CPNE8: variants seen among roughly 807,000 people sequenced by gnomAD.
The protein encoded by CPNE8 is copine-8.
In CPNE8, 45 loss-of-function variants were observed where a neutral mutation model predicts 81.5. The observed-to-expected ratio is 0.55, with a 90% CI of 0.44 to 0.71. The LOEUF (loss-of-function observed/expected upper bound fraction) is 0.71, where lower values mean the gene tolerates loss of function less well. CPNE8 is among the 30% of genes least tolerant of loss of function. The pLI is 0.00. For synonymous variants in CPNE8, 252 were observed against 226.3 expected (o/e 1.11, Z -1.02); for missense variants, 594 against 672.1 (o/e 0.88, Z 1.28).
chr12:38,690,704 A>T (rs1939655147), intron 15 of CPNE8, among the ~76,000 whole-genome samples: 1 of 152,184 alleles, frequency 6.6e-6, no homozygotes, highest in Admixed American at 6.5e-5. Flanking sequence ...AAAGGAAAAA[A>T]ATACACACTA....
intron 1 of CPNE8, among the ~76,000 whole-genome samples, chr12:38,899,734 T>A (rs75146487): frequency 0.015 from 2,263 of 152,296 alleles, 55 homozygotes; most frequent in African/African-American, 0.052. Context: ...ACTTTTATTA[T>A]AAACTCCATA....
chr12:38,878,935 T>C lies in CPNE8; in HGVS notation c.99-4424A>G, dbSNP rs188644293. On this transcript the variant is annotated intron_variant, in intron 1 of 19. Coordinates refer to ENST00000331366, the MANE Select transcript of CPNE8 (RefSeq NM_153634.3). ...TGGTGTATAAAATCACAGTTTATTA[T>C]AGGGAGAAAGAACAGTAATCTAAAA... Among the ~76,000 whole-genome samples, 27 of 152,300 alleles carry C rather than the reference T, an allele frequency of 1.8e-4. No homozygotes were observed. The East Asian group carries it at 3.7e-3, about 21-fold the overall frequency.
At chr12:38,744,187 G>C (rs1941173859) in intron 10 of CPNE8, among the ~76,000 whole-genome samples, 1 of 152,134 alleles carries the variant, frequency 6.6e-6, no homozygotes, top group South Asian at 2.1e-4. Flanking sequence ...GGAAACATCT[G>C]TGTCTGTTGG....
At chr12:38,844,754 G>A (rs1296767416) in intron 4 of CPNE8, among the ~76,000 whole-genome samples, 1 of 151,944 alleles carries the variant, frequency 6.6e-6, no homozygotes, top group African/African-American at 2.4e-5. Flanking sequence ...ATTTTTTTAA[G>A]TTTATAAAAG....
rs777194632 is a variant in CPNE8, at chr12:38,839,952, A to G, written c.294T>C (p.Tyr98=). The G allele has an allele frequency of 6.3e-7, 1 of 1,581,660 alleles. No homozygotes were observed. Residue 98 remains tyrosine (Y), a synonymous_variant, in exon 5 of 20, where the codon TAT becomes TAC. Transcript: ENST00000331366. Reference sequence around the variant, plus strand: ...AGTTGGGGCTCTTTGAATCAACATCATACCTAAAAGATTGAAATATAAAAC... The same window carrying G: ...AGTTGGGGCTCTTTGAATCAACATCGTACCTAAAAGATTGAAATATAAAAC... The part of the protein sequence containing the change: ...EERENLRFDL[Y]DVDSKSPNLS...
chr12:38,898,056 A>G (rs1944412008), intron 1 of CPNE8, among the ~76,000 whole-genome samples: 1 of 152,160 alleles, frequency 6.6e-6, no homozygotes, highest in Admixed American at 6.6e-5. Flanking sequence ...TTTGAGAGGA[A>G]TTGTATTTCT....
At chr12:38,813,993 A>T (rs1942979913) in intron 6 of CPNE8, among the ~76,000 whole-genome samples, 1 of 152,132 alleles carries the variant, frequency 6.6e-6, no homozygotes, top group Admixed American at 6.6e-5. Context: ...ACTGGAGTGG[A>T]ATCATGAAGA....
At chr12:38,686,868 A>G (rs1007758842) in intron 15 of CPNE8, among the ~76,000 whole-genome samples, 1 of 152,186 alleles carries the variant, frequency 6.6e-6, no homozygotes, top group East Asian at 1.9e-4. Flanking sequence ...CAAAGCCCCA[A>G]TGCCTTTTAT....
intron 4 of CPNE8, among the ~76,000 whole-genome samples, chr12:38,847,362 C>A (rs1378823188): frequency 6.6e-6 from 1 of 152,034 alleles, no homozygotes; most frequent in African/African-American, 2.4e-5. Context: ...TCTTAAAAAG[C>A]AATTGCTACC....
In CPNE8 at chr12:38,722,318, G is replaced by C. The variant is rs147642802; in HGVS notation, c.914+1454C>G. On this transcript the variant is annotated intron_variant, in intron 13 of 19. Transcript: ENST00000331366. ...CTTTAACTTTATTGAAACAACCACT[G>C]TTGCTTCTTAGTCTGTGCAGCCACT... Among the ~76,000 whole-genome samples the C allele has an allele frequency of 3.3e-3, 503 of 152,194 alleles. 2 individuals carry two copies. Among genetic ancestry groups the C allele is most frequent in the African/African-American group, 0.012 (482 of 41,520 alleles).
intron 13 of CPNE8, 25 bp from the exon 14 acceptor site, chr12:38,702,946 A>C: frequency 1.3e-6 from 2 of 1,485,444 alleles, no homozygotes; most frequent in Non-Finnish European, 1.8e-6. Context: ...AACAAGACTC[A>C]TTAATAATGA....
intron 19 of CPNE8, among the ~76,000 whole-genome samples, chr12:38,657,485 A>ACTT (rs1229612009): frequency 2.0e-5 from 3 of 152,170 alleles, no homozygotes; most frequent in African/African-American, 7.2e-5. Context: ...ACTTCTGCAG[A>ACTT]CTTAAACATC....
chr12:38,868,433 T>C (rs1943946337), intron 3 of CPNE8, among the ~76,000 whole-genome samples: 1 of 152,126 alleles, frequency 6.6e-6, no homozygotes, highest in Non-Finnish European at 1.5e-5. Context: ...ACTTATAAAA[T>C]AGTGTTCAAT....
intron 1 of CPNE8, among the ~76,000 whole-genome samples, chr12:38,888,689 T>C (rs1160357958): frequency 6.6e-6 from 1 of 152,186 alleles, no homozygotes; most frequent in African/African-American, 2.4e-5. Context: ...GGCTCTCATC[T>C]CGGCCCCAAA....
At chr12:38,905,064 C>G (rs1445628904) in intron 1 of CPNE8, among the ~76,000 whole-genome samples, 1 of 152,094 alleles carries the variant, frequency 6.6e-6, no homozygotes, top group African/African-American at 2.4e-5. Flanking sequence ...GCAGCGGTCA[C>G]AAGAGCTTTT....
At chr12:38,741,621 G>A (rs1317296488) in intron 10 of CPNE8, among the ~76,000 whole-genome samples, 2 of 152,100 alleles carry the variant, frequency 1.3e-5, no homozygotes, top group Non-Finnish European at 2.9e-5. Context: ...ATAGGCATGG[G>A]CAAAGACTTC....
At chr12:38,788,580 C>A (rs1376160343) in intron 6 of CPNE8, among the ~76,000 whole-genome samples, 2 of 151,746 alleles carry the variant, frequency 1.3e-5, no homozygotes, top group Non-Finnish European at 3.0e-5. Flanking sequence ...CACTGTTATT[C>A]AACATAGTAC....
chr12:38,795,901 A>AT (rs1555160622), intron 6 of CPNE8, among the ~76,000 whole-genome samples: 9,739 of 44,902 alleles, frequency 0.22, 1,035 homozygotes, highest in African/African-American at 0.36. Context: ...AGATAGATAG[A>AT]AGATAGATAA....
intron 13 of CPNE8, among the ~76,000 whole-genome samples, chr12:38,712,058 A>T (rs1940272113): frequency 6.6e-6 from 1 of 152,114 alleles, no homozygotes; most frequent in Non-Finnish European, 1.5e-5. Flanking sequence ...TGCCACAACA[A>T]AAAGCATTAT....
Sources: gnomAD v4.1 joint callset for allele counts (sites outside exome capture counted in the v4.1 genomes callset) on GRCh38, gnomAD v4.1.1 for gene constraint, MANE v1.5 for transcripts, NCBI Gene and HGNC (gene_info 2026-07-23, HGNC 2026-07-21) for gene names.